Variants in GLIS1 observed in about 807,000 individuals in gnomAD.
GLIS1 encodes the protein zinc finger protein GLIS1.
In GLIS1, 24 loss-of-function variants were observed where a neutral mutation model predicts 63.8. The observed-to-expected ratio is 0.38, with a 90% CI of 0.27 to 0.53. The LOEUF is 0.53. Among genes scored for constraint, GLIS1 ranks in the 20% least tolerant of loss-of-function variants. GLIS1 has a pLI of 0.85. For missense variants in GLIS1, 1,036 were observed against 1,074.1 expected (o/e 0.96, Z 0.50); for synonymous variants, 450 against 482.5 (o/e 0.93, Z 0.88).
In GLIS1 at chr1:53,738,539, C is replaced by T. The variant is rs577189951; in HGVS notation, c.-42-433G>A. 9.2e-5 allele frequency among the ~76,000 whole-genome samples: 14 copies of T among 152,204 alleles called. 2 individuals carry two copies. The South Asian group carries it at 1.9e-3, about 20-fold the overall frequency. On this transcript the variant is annotated intron_variant, in intron 1 of 10. Coordinates refer to ENST00000628545, the MANE Select transcript of GLIS1 (RefSeq NM_001367484.1). Reference sequence around the variant, plus strand: ...CCCGGAGACGGCTCCGGGTAGGTCACGGGCTGCGCGCTTCGTCGACTCTCC... The same window carrying T: ...CCCGGAGACGGCTCCGGGTAGGTCATGGGCTGCGCGCTTCGTCGACTCTCC...
At chr1:53,673,932 G>C (rs1364771588) in intron 2 of GLIS1, among the ~76,000 whole-genome samples, 1 of 152,180 alleles carries the variant, frequency 6.6e-6, no homozygotes, top group Non-Finnish European at 1.5e-5. Context: ...AGCACTTTGG[G>C]AGGCCGAGGT....
At chr1:53,606,687 G>A (rs531164986) in intron 2 of GLIS1, among the ~76,000 whole-genome samples, 1 of 152,340 alleles carries the variant, frequency 6.6e-6, no homozygotes, top group East Asian at 1.9e-4. Context: ...GACCGGGTTA[G>A]CTGAGACCTG....
chr1:53,646,991 A>G lies in GLIS1; in HGVS notation c.260-46713T>C, dbSNP rs562511883. 5.5e-5 allele frequency among the ~76,000 whole-genome samples: 8 copies of G among 146,240 alleles called. No individual in the cohort carries two copies. The East Asian group carries it at 1.6e-3, about 29-fold the overall frequency. On this transcript the variant is annotated intron_variant, in intron 2 of 10. Coordinates refer to ENST00000628545, the MANE Select transcript of GLIS1 (RefSeq NM_001367484.1). The surrounding 1 kb of genome is among the most constrained non-coding windows in gnomAD (Gnocchi z 4.2). ...GAAGGAAAGGAAGGAAAGGAAGGAAAGGAAGGAAGGGAGGGATGAAGGAAA... is the reference window on the plus strand; with the variant it reads ...GAAGGAAAGGAAGGAAAGGAAGGAAGGGAAGGAAGGGAGGGATGAAGGAAA...
rs1336305280 is a variant in GLIS1 at position 53,506,773 on chromosome 1, T to C, written c.2234A>G (p.Tyr745Cys). 2.5e-6 allele frequency: 4 copies of C among 1,609,360 alleles called. No individual in the cohort carries two copies. Among genetic ancestry groups the C allele is most frequent in the Admixed American group, 1.7e-5 (1 of 59,994 alleles). The change falls in exon 11 of 11, where the codon TAT (tyrosine) becomes TGT (cysteine). Residue 745 changes from tyrosine (Y) to cysteine (C), a missense_variant. Around this residue, in one of 3 missense-constraint regions of GLIS1, gnomAD observed 400 missense variants for 400.9 expected, o/e 1.00. Transcript: ENST00000628545. ...SLSTPLPATG[Y>C]EALAEASCPT... ...GCATGAGGCCTCAGCCAGGGCCTCA[T>C]AGCCTGTGAGTGGTTGGGAAAGGGT...
At chr1:53,637,486 T>C (rs1176563816) in intron 2 of GLIS1, among the ~76,000 whole-genome samples, 1 of 152,098 alleles carries the variant, frequency 6.6e-6, no homozygotes, top group African/African-American at 2.4e-5. Flanking sequence ...AATGCACTGA[T>C]AAGATGGTGC....
intron 2 of GLIS1, among the ~76,000 whole-genome samples, chr1:53,677,123 G>T (rs1333660330): frequency 6.6e-6 from 1 of 152,246 alleles, no homozygotes; most frequent in African/African-American, 2.4e-5. Context: ...CCGGCCTACA[G>T]CTCTGATGAC....
intron 2 of GLIS1, among the ~76,000 whole-genome samples, chr1:53,658,650 G>T (rs558686386): frequency 6.6e-6 from 1 of 152,322 alleles, no homozygotes; most frequent in Non-Finnish European, 1.5e-5. Context: ...CACCTCAGGT[G>T]GGTCCTCTGG....
chr1:53,621,320 T>A (rs1199495043), intron 2 of GLIS1, among the ~76,000 whole-genome samples: 1 of 152,220 alleles, frequency 6.6e-6, no homozygotes, highest in East Asian at 1.9e-4. Context: ...TGGCCAGGTC[T>A]TGTGGGGCTC....
At chr1:53,657,994 G>A (rs976914337) in intron 2 of GLIS1, among the ~76,000 whole-genome samples, 1 of 152,080 alleles carries the variant, frequency 6.6e-6, no homozygotes, top group Non-Finnish European at 1.5e-5. Flanking sequence ...CTGGTCTCCA[G>A]CAACCTTGCT....
At chr1:53,554,258 G>C (rs1182180971) in intron 4 of GLIS1, among the ~76,000 whole-genome samples, 1 of 152,136 alleles carries the variant, frequency 6.6e-6, no homozygotes, top group Non-Finnish European at 1.5e-5. Flanking sequence ...GACAGAGGAG[G>C]GGACAGAGGC....
chr1:53,667,670 AG>A (rs1646108050), intron 2 of GLIS1, among the ~76,000 whole-genome samples: 1 of 152,202 alleles, frequency 6.6e-6, no homozygotes, highest in Non-Finnish European at 1.5e-5. Flanking sequence ...TTATTTTCAC[AG>A]CATTTTGAAG....
At chr1:53,722,355 GA>G (rs1332874302) in intron 2 of GLIS1, among the ~76,000 whole-genome samples, 3 of 152,146 alleles carry the variant, frequency 2.0e-5, no homozygotes, top group African/African-American at 4.8e-5. Flanking sequence ...GGGGAAAGCT[GA>G]AAATTCTGAA....
chr1:53,512,654 G>T (rs547461826), intron 8 of GLIS1, among the ~76,000 whole-genome samples: 2 of 152,272 alleles, frequency 1.3e-5, no homozygotes, highest in Admixed American at 6.5e-5. Flanking sequence ...CTCTCCTGCA[G>T]CTGGACCCGA....
chr1:53,669,932 C>T (rs553241292), intron 2 of GLIS1, among the ~76,000 whole-genome samples: 1 of 144,822 alleles, frequency 6.9e-6, no homozygotes, highest in East Asian at 2.2e-4. Context: ...CAGCAGCTTG[C>T]AGCCCAGCCA....
intron 2 of GLIS1, among the ~76,000 whole-genome samples, chr1:53,724,283 T>C (rs1646784671): frequency 6.6e-6 from 1 of 152,190 alleles, no homozygotes; most frequent in Non-Finnish European, 1.5e-5. Flanking sequence ...TAAAGAATGA[T>C]ATTTTAGACT....
At chr1:53,561,081 T>C (rs1192870678) in intron 4 of GLIS1, among the ~76,000 whole-genome samples, 1 of 152,134 alleles carries the variant, frequency 6.6e-6, no homozygotes. Context: ...CTACAGACAT[T>C]GACTCATCTG....
intron 2 of GLIS1, among the ~76,000 whole-genome samples, chr1:53,709,495 G>A (rs1348676284): frequency 6.6e-6 from 1 of 150,756 alleles, no homozygotes; most frequent in Admixed American, 6.7e-5. Context: ...GTGATTCCTG[G>A]CAGTTAAATG....
At chr1:53,524,079 T>C (rs994313713) in intron 6 of GLIS1, among the ~76,000 whole-genome samples, 1 of 152,264 alleles carries the variant, frequency 6.6e-6, no homozygotes, top group African/African-American at 2.4e-5. Context: ...GGTACAGTTC[T>C]AAACCCTCAG....
chr1:53,680,161 C>T (rs948066258), intron 2 of GLIS1, among the ~76,000 whole-genome samples: 2 of 152,020 alleles, frequency 1.3e-5, no homozygotes, highest in Admixed American at 6.6e-5. Context: ...TCTAAAGGAC[C>T]TAGATTGTCT....
Sources: allele counts gnomAD v4.1 joint callset (sites outside exome capture counted in the v4.1 genomes callset), GRCh38; gene constraint gnomAD v4.1.1; regional missense constraint gnomAD v4.1.1; non-coding constraint Gnocchi (gnomAD v3.1); transcripts MANE v1.5; gene names NCBI Gene and HGNC (gene_info 2026-07-23, HGNC 2026-07-21).